TTN: variants seen among roughly 807,000 people sequenced by gnomAD.
The protein encoded by TTN is connectin.
In TTN, 1,525 loss-of-function variants were observed where a neutral mutation model predicts 3,223.0. That is an observed-to-expected ratio of 0.47 (90% confidence interval 0.45 to 0.49). The LOEUF (loss-of-function observed/expected upper bound fraction) is 0.49, where lower values mean the gene tolerates loss of function less well. TTN is among the 20% of genes least tolerant of loss of function. The pLI is 0.00. For missense variants in TTN, 40,786 were observed against 43,424.0 expected (o/e 0.94, Z 5.40); for synonymous variants, 14,094 against 15,161.0 (o/e 0.93, Z 5.17).
chr2:178,550,945 G>C lies in TTN; in HGVS notation c.91564+22C>G, dbSNP rs757794805. 2.9e-5 allele frequency: 47 copies of C among 1,606,698 alleles called. No homozygotes were observed. In the Admixed American group the frequency reaches 7.7e-4, roughly 26 times the overall value. On this transcript the variant is annotated intron_variant, in intron 336 of 362. Transcript: ENST00000589042. ...AATGTGAATGCTCTTAGTCTCATTGGAAATAAGTTGTAAATGCTTACCATT... is the reference window on the plus strand; with the variant it reads ...AATGTGAATGCTCTTAGTCTCATTGCAAATAAGTTGTAAATGCTTACCATT...
chr2:178,719,916 A>C, intron 81 of TTN, 67 bp downstream of exon 81: 1 of 1,543,004 alleles, frequency 6.5e-7, no homozygotes, highest in Non-Finnish European at 8.7e-7. Flanking sequence ...GATAAGAGGA[A>C]TATTTGAGGA....
chr2:178,646,057 G>A, intron 216 of TTN, 27 bp from the exon 217 acceptor site: 1 of 1,250,174 alleles, frequency 8.0e-7, no homozygotes, highest in South Asian at 1.7e-5. Flanking sequence ...AGAGGTGTTA[G>A]TATATGTATA....
At chr2:178,784,532 A>G (rs2093030627) in intron 15 of TTN, among the ~76,000 whole-genome samples, 181 bp from the exon 16 acceptor site, 1 of 152,244 alleles carries the variant, frequency 6.6e-6, no homozygotes, top group Admixed American at 6.5e-5. Context: ...GCTCCTTGTC[A>G]TGCCTGTTAG....
chr2:178,633,530 T>A lies in TTN; in HGVS notation c.42829A>T (p.Ile14277Phe), dbSNP rs397517568. 6.8e-6 allele frequency: 11 copies of A among 1,613,430 alleles called. No individual in the cohort carries two copies. Among genetic ancestry groups the A allele is most frequent in the Non-Finnish European group, 8.5e-6 (10 of 1,179,602 alleles). ...EEIVPSPKYS[I>F]KADGLRRILK... ...ATGCGGCGCAGGCCATCTGCCTTGA[T>A]AGAATATTTGGGTGAAGGGACAATC... Residue 14277 changes from isoleucine to phenylalanine, a missense_variant, in exon 232 of 363, where the codon ATC (isoleucine) becomes TTC (phenylalanine). Physicochemically the swap from Ile to Phe is conservative, Grantham distance 21. Transcript: ENST00000589042.
chr2:178,621,524 G>A lies in TTN; in HGVS notation c.45300C>T (p.Tyr15100=), dbSNP rs774672661. 2.5e-6 allele frequency: 4 copies of A among 1,612,270 alleles called. No homozygotes were observed. Among genetic ancestry groups the A allele is most frequent in the South Asian group, 1.1e-5 (1 of 91,046 alleles). Residue 15100 remains tyrosine, a synonymous_variant, in exon 245 of 363, where the codon TAC becomes TAT. Coordinates refer to ENST00000589042, the MANE Select transcript of TTN (RefSeq NM_001267550.2). The part of the protein sequence containing the change: ...QNAHLEDAGN[Y]NCRLPSSRTD... ...TTCGAGAGCTTGGGAGTCGACAGTT[G>A]TAGTTGCCAGCATCCTCAAGGTGAG...
In TTN at chr2:178,588,151, C is replaced by T. The variant is rs755518802; in HGVS notation, c.63256G>A (p.Gly21086Arg). ...GCACCACCATCATAGACTGGTTTTC[C>T]CCACCCAAGAGTTATGGAATGTTTG... The part of the protein sequence containing the change: ...TTKHSITLGW[G>R]KPVYDGGAPI... The change falls in exon 305 of 363, where the codon GGA (glycine) becomes AGA (arginine). Residue 21086 changes from glycine to arginine, a missense_variant. Gly to Arg is a moderately radical substitution (Grantham distance 125). Coordinates refer to ENST00000589042, the MANE Select transcript of TTN (RefSeq NM_001267550.2). The T allele has an allele frequency of 1.2e-6, 2 of 1,610,202 alleles. No individual in the cohort carries two copies. Among genetic ancestry groups the T allele is most frequent in the South Asian group, 1.1e-5 (1 of 90,798 alleles).
In TTN at chr2:178,546,368, C is replaced by T; in HGVS notation, c.94963G>A (p.Glu31655Lys). 6.2e-7 allele frequency: 1 copy of T among 1,613,768 alleles called. No individual in the cohort carries two copies. Among genetic ancestry groups the T allele is most frequent in the Non-Finnish European group, 8.5e-7 (1 of 1,179,748 alleles). The change falls in exon 342 of 363, where the codon GAG becomes AAG. Residue 31655 changes from glutamate (E) to lysine (K), a missense_variant. By Grantham distance (56) the Glu-to-Lys change is moderately conservative. Transcript: ENST00000589042. ...GAGACTTTTTCACAGAGATCTAGCT[C>T]CTTGTCTCCTTTGGTCCAGATAATT... is the stretch of plus-strand genomic sequence containing the variant. The part of the protein sequence containing the change: ...PKIIWTKGDK[E>K]LDLCEKVSLQ...
At chr2:178,690,583 A>G (rs2072144534) in intron 121 of TTN, among the ~76,000 whole-genome samples, 1 of 152,144 alleles carries the variant, frequency 6.6e-6, no homozygotes, top group South Asian at 2.1e-4. Context: ...TGATTTATCT[A>G]TTCTAAGAAT....
At position 178,611,793 on chromosome 2, in the gene TTN, T is replaced by A; in HGVS notation, c.50516A>T (p.Glu16839Val). ...TTCAATGGATAGGATTTCTGTGGGT[T>A]CACTTGGGTGGCCAACTCCAGCTTC... ...ENEAGVGHPS[E>V]PTEILSIEDP... Residue 16839 changes from glutamate (E) to valine (V), a missense_variant, in exon 268 of 363, where the codon GAA (glutamate) becomes GTA (valine). Transcript: ENST00000589042. 1 of 1,612,786 alleles carries A rather than the reference T, an allele frequency of 6.2e-7. No homozygotes were observed.
intron 359 of TTN, 38 bp downstream of exon 359, chr2:178,529,922 T>G: frequency 6.4e-7 from 1 of 1,568,674 alleles, no homozygotes; most frequent in Non-Finnish European, 8.6e-7. Context: ...TAATATTATC[T>G]TCTGAAGAAA....
chr2:178,548,625 T>C lies in TTN; in HGVS notation c.93001A>G (p.Asn31001Asp). The C allele has an allele frequency of 6.2e-7, 1 of 1,613,892 alleles. No individual in the cohort carries two copies. Among genetic ancestry groups the C allele is most frequent in the Non-Finnish European group, 8.5e-7 (1 of 1,179,796 alleles). The change falls in exon 339 of 363, where the codon AAC becomes GAC. Residue 31001 changes from asparagine (N) to aspartate (D), a missense_variant. Transcript: ENST00000589042. The surrounding 1 kb of genome is among the most constrained non-coding windows in gnomAD (Gnocchi z 4.3). ...AGKYTLTVEN[N>D]SGSKSITFTV... ...AATGTGATTGACTTACTACCACTGTTGTTTTCCACAGTAAGGGTATATTTC... is the reference window on the plus strand; with the variant it reads ...AATGTGATTGACTTACTACCACTGTCGTTTTCCACAGTAAGGGTATATTTC...
intron 241 of TTN, among the ~76,000 whole-genome samples, chr2:178,625,038 G>T (rs971268226): frequency 6.6e-6 from 1 of 151,868 alleles, no homozygotes; most frequent in Non-Finnish European, 1.5e-5. Context: ...AATCTAGGAT[G>T]TGCAATAAAA....
In TTN at chr2:178,535,469, C is replaced by T; in HGVS notation, c.101146G>A (p.Asp33716Asn). 6.2e-7 allele frequency: 1 copy of T among 1,613,872 alleles called. No homozygotes were observed. The highest frequency in any genetic ancestry group is 1.7e-5 in the Admixed American group (1 of 59,996). The change falls in exon 358 of 363, where the codon GAT becomes AAT. Residue 33716 changes from aspartate (D) to asparagine (N), a missense_variant. Coordinates refer to ENST00000589042, the MANE Select transcript of TTN (RefSeq NM_001267550.2). The part of the protein sequence containing the change: ...VNLTWTEPAS[D>N]GGSKITNYIV... ...TAGTTGGTGATTTTGCTGCCACCAT[C>T]AGAGGCTGGCTCAGTCCATGTTAAG... is the stretch of plus-strand genomic sequence containing the variant.
At chr2:178,727,437 G>A (rs1429568599) in intron 68 of TTN, 66 bp from the exon 69 acceptor site, 1 of 1,510,570 alleles carries the variant, frequency 6.6e-7, no homozygotes, top group East Asian at 2.3e-5. Flanking sequence ...AAATTAGATA[G>A]TATACAGGCA....
rs776259519 is a variant in TTN at position 178,756,649 on chromosome 2, T to C, written c.10827A>G (p.Glu3609=). The C allele has an allele frequency of 5.0e-6, 8 of 1,613,742 alleles. No homozygotes were observed. Among genetic ancestry groups the C allele is most frequent in the Non-Finnish European group, 6.8e-6 (8 of 1,179,812 alleles). Residue 3609 remains glutamate (E), a synonymous_variant, in exon 46 of 363, where the codon GAA becomes GAG. Transcript: ENST00000589042. ...GAGATACACTTTCAAAAACCTGCAC[T>C]TCATATTCATATGATGATCCTTGAA... ...KSFQGSSYEY[E]VQVFESVSQS...
chr2:178,556,960 A>G lies in TTN; in HGVS notation c.88194T>C (p.Ser29398=). Residue 29398 remains serine (S), a synonymous_variant, in exon 330 of 363, where the codon TCT becomes TCC. Coordinates refer to ENST00000589042, the MANE Select transcript of TTN (RefSeq NM_001267550.2). ...CATACTGGGAATTCTGAGTCAAGCC[A>G]GAGATGATGAATTGAGTTTCAGTAA... The part of the protein sequence containing the change: ...TNVTETQFII[S]GLTQNSQYEF... 6.2e-7 allele frequency: 1 copy of G among 1,613,836 alleles called. No homozygotes were observed.
rs72648276 is a variant in TTN, at chr2:178,538,674, C to G, written c.99155G>C (p.Arg33052Pro). 3.1e-6 allele frequency: 5 copies of G among 1,613,632 alleles called. No homozygotes were observed. In the South Asian group the frequency reaches 3.3e-5, roughly 11 times the overall value. The stretch of plus-strand genomic sequence containing the variant: ...TATTGTGAATTGCTTGTCCTTAATA[C>G]GTTCCTTATTGCTCTTCTTCCAGGC... The part of the protein sequence containing the change: ...DSAWKKSNKE[R>P]IKDKQFTIGG... The change falls in exon 354 of 363, where the codon CGT (arginine) becomes CCT (proline). Residue 33052 changes from arginine to proline, a missense_variant. Physicochemically the swap from Arg to Pro is moderately radical, Grantham distance 103. Transcript: ENST00000589042.
In TTN at chr2:178,575,458, G is replaced by A. The variant is rs761993177; in HGVS notation, c.70674C>T (p.His23558=). Residue 23558 remains histidine, a synonymous_variant, in exon 326 of 363, where the codon CAC becomes CAT. Coordinates refer to ENST00000589042, the MANE Select transcript of TTN (RefSeq NM_001267550.2). This position sits in a 1 kb window ranked among gnomAD's most constrained non-coding sequence, Gnocchi z 4.0. ...AGCCAGTGATCTTGCTGCCACCATC[G>A]TGTTTGGGCTTAGGCCATGCCAGGC... ...TVSLAWPKPK[H]DGGSKITGYV... is the part of the protein sequence containing the mutation. 1.5e-5 allele frequency: 24 copies of A among 1,613,366 alleles called. No individual in the cohort carries two copies. Among genetic ancestry groups the A allele is most frequent in the Non-Finnish European group, 2.0e-5 (24 of 1,179,616 alleles).
chr2:178,728,172 T>C lies in TTN; in HGVS notation c.19652A>G (p.Tyr6551Cys). 1 of 1,611,436 alleles carries C rather than the reference T, an allele frequency of 6.2e-7. No homozygotes were observed. Among genetic ancestry groups the C allele is most frequent in the Non-Finnish European group, 8.5e-7 (1 of 1,178,496 alleles). Residue 6551 changes from tyrosine (Y) to cysteine (C), a missense_variant, in exon 67 of 363, where the codon TAC becomes TGC. Transcript: ENST00000589042. ...NNLELEDTAN[Y>C]TCKVSNVAGD... is the part of the protein sequence containing the mutation. Reference sequence around the variant, plus strand: ...TGCTACATTTGACACTTTGCATGTGTAATTTGCAGTATCTTCTAATTCCAG... The same window carrying C: ...TGCTACATTTGACACTTTGCATGTGCAATTTGCAGTATCTTCTAATTCCAG...
Sources: gnomAD v4.1 joint callset for allele counts (sites outside exome capture counted in the v4.1 genomes callset) on GRCh38, gnomAD v4.1.1 for gene constraint, Gnocchi (gnomAD v3.1) non-coding constraint, MANE v1.5 for transcripts, NCBI Gene and HGNC (gene_info 2026-07-23, HGNC 2026-07-21) for gene names.